The following DNTTIP1 variants were observed in gnomAD, a reference collection of about 807,000 sequenced individuals.
DNTTIP1 encodes the protein deoxynucleotidyltransferase terminal-interacting protein 1.
Under a neutral mutation model 52.9 loss-of-function variants are expected in DNTTIP1, and 22 were observed. The observed-to-expected ratio is 0.42, with a 90% CI of 0.30 to 0.59. The LOEUF (loss-of-function observed/expected upper bound fraction) is 0.59, where lower values mean the gene tolerates loss of function less well. Ranked by LOEUF, DNTTIP1 falls within the 20% of genes least tolerant of loss-of-function variation. The probability of loss-of-function intolerance (pLI) is 0.22; values close to 1 mark genes in which losing one functional copy is unlikely to be tolerated. For missense variants in DNTTIP1, 286 were observed against 435.5 expected (o/e 0.66, Z 3.06); for synonymous variants, 136 against 155.1 (o/e 0.88, Z 0.92).
In DNTTIP1 at chr20:45,803,385, T is replaced by G. The variant is rs779190255; in HGVS notation, c.603+7T>G. On this transcript the variant is annotated splice_region_variant and intron_variant, in intron 8 of 12. Transcript: ENST00000372622. ...TCGCCGGGAAGGCCCCAAGGTATGA[T>G]TATGTGAGCATGGCAGAGATCACGA... The G allele has an allele frequency of 3.1e-6, 5 of 1,613,958 alleles. No individual in the cohort carries two copies. Among genetic ancestry groups the G allele is most frequent in the Middle Eastern group, 1.6e-4 (1 of 6,076 alleles).
At chr20:45,792,290 T>C (rs1384990925) in intron 1 of DNTTIP1, among the ~76,000 whole-genome samples, 181 bp downstream of exon 1, 1 of 152,184 alleles carries the variant, frequency 6.6e-6, no homozygotes, top group African/African-American at 2.4e-5. Flanking sequence ...ACGTGGGCCA[T>C]CTCTGTCAAC....
chr20:45,802,589 A>G (rs951742454), intron 7 of DNTTIP1, among the ~76,000 whole-genome samples: 1 of 152,078 alleles, frequency 6.6e-6, no homozygotes, highest in African/African-American at 2.4e-5. Context: ...AGCCTCCCCC[A>G]TTATCGACAT....
At chr20:45,797,454 T>C (rs1981278724) in intron 4 of DNTTIP1, among the ~76,000 whole-genome samples, 1 of 152,220 alleles carries the variant, frequency 6.6e-6, no homozygotes, top group Non-Finnish European at 1.5e-5. Context: ...CCAAAAGGAA[T>C]GGCAACAAAA....
At position 45,791,970 on chromosome 20, in the gene DNTTIP1, CAG is replaced by C. The variant is rs1981023318; in HGVS notation, c.-32_-31del. On this transcript the variant is annotated 5_prime_UTR_variant, in exon 1 of 13. Coordinates refer to ENST00000372622, the MANE Select transcript of DNTTIP1 (RefSeq NM_052951.3). ...CACGGCGCCACTTTCCGGCCGGTGA[CAG>C]AGTCCAGCGGAGTTGTGGGGGCCGG... is the stretch of plus-strand genomic sequence containing the variant. 3.3e-6 allele frequency: 4 copies of C among 1,212,912 alleles called. No homozygotes were observed. The highest frequency in any genetic ancestry group is 4.1e-6 in the Non-Finnish European group (4 of 966,306). The allele number at this position is 1,212,912 out of a possible 1,614,324, so 75.1% of individuals were successfully genotyped here.
In DNTTIP1 at chr20:45,793,974, G is replaced by C; in HGVS notation, c.230G>C (p.Ser77Thr). The C allele has an allele frequency of 6.2e-7, 1 of 1,601,068 alleles. No homozygotes were observed. The highest frequency in any genetic ancestry group is 1.3e-5 in the African/African-American group (1 of 74,816). ...CTCCTCCGAGCTGTCCTGCAGCCCA[G>C]CATCAACGAGGAGATCCAGACTGTC... is the stretch of plus-strand genomic sequence containing the variant. ...MDLLRAVLQP[S>T]INEEIQTVFN... The change falls in exon 3 of 13, where the codon AGC becomes ACC. Residue 77 changes from serine to threonine, a missense_variant. Ser to Thr is a moderately conservative substitution (Grantham distance 58). This residue lies in a region of DNTTIP1 where 208 missense variants were observed against 266.5 expected (regional missense o/e 0.78). Coordinates refer to ENST00000372622, the MANE Select transcript of DNTTIP1 (RefSeq NM_052951.3).
chr20:45,806,649 G>A (rs1204179231), intron 10 of DNTTIP1, among the ~76,000 whole-genome samples: 1 of 152,210 alleles, frequency 6.6e-6, no homozygotes, highest in South Asian at 2.1e-4. Flanking sequence ...CCAGAATCAC[G>A]GGCTTTCTCT....
At chr20:45,808,330 C>T (rs1427805225) in intron 10 of DNTTIP1, among the ~76,000 whole-genome samples, 1 of 151,016 alleles carries the variant, frequency 6.6e-6, no homozygotes, top group Non-Finnish European at 1.5e-5. Context: ...AACAACAGAG[C>T]GAGACGTCAT....
chr20:45,800,948 G>A (rs1408794175), intron 4 of DNTTIP1, 126 bp from the exon 5 acceptor site: 2 of 762,762 alleles, frequency 2.6e-6, no homozygotes, highest in Non-Finnish European at 4.5e-6. Context: ...GAGCCAAGAT[G>A]GTGCTGCTGC....
At position 45,803,391 on chromosome 20, in the gene DNTTIP1, G is replaced by C; in HGVS notation, c.603+13G>C. The C allele has an allele frequency of 6.2e-7, 1 of 1,614,046 alleles. No individual in the cohort carries two copies. Among genetic ancestry groups the C allele is most frequent in the Non-Finnish European group, 8.5e-7 (1 of 1,179,994 alleles). ...GGAAGGCCCCAAGGTATGATTATGT[G>C]AGCATGGCAGAGATCACGATCCCAG... On this transcript the variant is annotated intron_variant, in intron 8 of 12. Coordinates refer to ENST00000372622, the MANE Select transcript of DNTTIP1 (RefSeq NM_052951.3).
intron 2 of DNTTIP1, 84 bp from the exon 3 acceptor site, chr20:45,793,837 T>TTCTA: frequency 3.8e-6 from 3 of 794,744 alleles, no homozygotes; most frequent in Non-Finnish European, 5.9e-6. Flanking sequence ...TGTTAAGGAA[T>TTCTA]TCTATGTCCA....
intron 11 of DNTTIP1, among the ~76,000 whole-genome samples, 189 bp from the exon 12 acceptor site, chr20:45,810,696 T>C (rs1367336468): frequency 6.6e-6 from 1 of 151,862 alleles, no homozygotes; most frequent in Non-Finnish European, 1.5e-5. Flanking sequence ...AAGCATCTAC[T>C]GTAGTAAAAG....
At position 45,805,139 on chromosome 20, in the gene DNTTIP1, T is replaced by G. The variant is rs764061737; in HGVS notation, c.604-7T>G. 3.7e-5 allele frequency: 59 copies of G among 1,614,008 alleles called. No homozygotes were observed. In the Middle Eastern group the frequency reaches 4.9e-4, roughly 13 times the overall value. On this transcript the variant is annotated splice_region_variant and splice_polypyrimidine_tract_variant and intron_variant, in intron 8 of 12. Transcript: ENST00000372622. Reference sequence around the variant, plus strand: ...CACCCTCACGAGCTTCTCTATTTTTTGCACAGTGGGACCCAGCTCGCCTGA... The same window carrying G: ...CACCCTCACGAGCTTCTCTATTTTTGGCACAGTGGGACCCAGCTCGCCTGA...
intron 7 of DNTTIP1, among the ~76,000 whole-genome samples, chr20:45,802,281 T>TTTG (rs1555815664): frequency 3.3e-5 from 5 of 152,138 alleles, no homozygotes; most frequent in Non-Finnish European, 1.5e-5. Flanking sequence ...AAGATTAAAC[T>TTTG]CCAGAGGTTT....
chr20:45,810,575 C>CTTTTTT (rs57338956), intron 11 of DNTTIP1, among the ~76,000 whole-genome samples: 23 of 124,062 alleles, frequency 1.9e-4, no homozygotes, highest in Non-Finnish European at 2.6e-4. Flanking sequence ...TTCTTTTTTT[C>CTTTTTT]TTTTTTTTTT....
chr20:45,801,259 A>C, intron 5 of DNTTIP1, 117 bp downstream of exon 5: 2 of 1,371,106 alleles, frequency 1.5e-6, no homozygotes, highest in Non-Finnish European at 2.1e-6. Flanking sequence ...CCAGGCCCAC[A>C]CAGCATCATG....
intron 8 of DNTTIP1, among the ~76,000 whole-genome samples, chr20:45,804,226 C>A (rs1459885731): frequency 6.6e-6 from 1 of 152,164 alleles, no homozygotes; most frequent in African/African-American, 2.4e-5. Context: ...TTCCTCACAG[C>A]CCTTCTTTAC....
At chr20:45,798,344 A>C (rs1242262230) in intron 4 of DNTTIP1, among the ~76,000 whole-genome samples, 1 of 96,802 alleles carries the variant, frequency 1.0e-5, no homozygotes, top group African/African-American at 4.0e-5. Flanking sequence ...GGGTTGGGGG[A>C]GGGGGGAGGG....
intron 8 of DNTTIP1, among the ~76,000 whole-genome samples, chr20:45,803,877 C>G (rs1249653537): frequency 6.6e-6 from 1 of 152,174 alleles, no homozygotes; most frequent in African/African-American, 2.4e-5. Flanking sequence ...GTCTCAAACC[C>G]AAGACCCGCT....
Position 45,793,972 on chromosome 20 carries a change from C to A in DNTTIP1, c.228C>A (p.Pro76=). The change falls in exon 3 of 13, where the codon CCC becomes CCA. Residue 76 remains proline, a synonymous_variant. Transcript: ENST00000372622. ...SMDLLRAVLQ[P]SINEEIQTVF... is the part of the protein sequence containing the mutation. ...ATCTCCTCCGAGCTGTCCTGCAGCC[C>A]AGCATCAACGAGGAGATCCAGACTG... is the stretch of plus-strand genomic sequence containing the variant. 6.2e-7 allele frequency: 1 copy of A among 1,601,320 alleles called. No homozygotes were observed. Among genetic ancestry groups the A allele is most frequent in the South Asian group, 1.1e-5 (1 of 87,562 alleles).
Sources: allele counts gnomAD v4.1 joint callset (sites outside exome capture counted in the v4.1 genomes callset), GRCh38; gene constraint gnomAD v4.1.1; regional missense constraint gnomAD v4.1.1; transcripts MANE v1.5; gene names NCBI Gene and HGNC (gene_info 2026-07-23, HGNC 2026-07-21).